The following ADGRL3 variants were observed in gnomAD, a reference collection of about 807,000 sequenced individuals.
The protein encoded by ADGRL3 is calcium-independent alpha-latrotoxin receptor 3.
Under a neutral mutation model 153.5 loss-of-function variants are expected in ADGRL3, and 62 were observed. The observed-to-expected ratio is 0.40, with a 90% CI of 0.33 to 0.50. The LOEUF (loss-of-function observed/expected upper bound fraction) is 0.50. Ranked by LOEUF, ADGRL3 falls within the 20% of genes least tolerant of loss-of-function variation. The probability of loss-of-function intolerance (pLI) is 0.47; values close to 1 mark genes in which losing one functional copy is unlikely to be tolerated. For missense variants in ADGRL3, 1,641 were observed against 1,859.4 expected (o/e 0.88, Z 2.16); for synonymous variants, 710 against 672.5 (o/e 1.06, Z -0.86).
At chr4:61,204,486 C>T (rs1736224425) in intron 1 of ADGRL3, among the ~76,000 whole-genome samples, 1 of 152,158 alleles carries the variant, frequency 6.6e-6, no homozygotes. Flanking sequence ...CAGATCTGTT[C>T]TTTGTTTCCT....
At chr4:61,280,106 TCTTTTTC>T (rs1024944024) in intron 1 of ADGRL3, among the ~76,000 whole-genome samples, 13 of 104,018 alleles carry the variant, frequency 1.2e-4, no homozygotes, top group African/African-American at 3.5e-4. Context: ...TCTTTTCTTT[TCTTTTTC>T]TTTTTTTTTT....
At chr4:61,603,922 G>GA (rs1316773177) in intron 5 of ADGRL3, among the ~76,000 whole-genome samples, 2 of 152,050 alleles carry the variant, frequency 1.3e-5, no homozygotes. Flanking sequence ...AATTCTGAAA[G>GA]AAAAAAATCA....
intron 1 of ADGRL3, among the ~76,000 whole-genome samples, chr4:61,255,844 A>G (rs574388120): frequency 4.6e-5 from 7 of 152,144 alleles, no homozygotes; most frequent in Non-Finnish European, 1.0e-4. Context: ...ATACAAATCA[A>G]TCCCTAGTAA....
chr4:61,747,792 T>C (rs1252570265), intron 8 of ADGRL3, among the ~76,000 whole-genome samples: 10 of 150,990 alleles, frequency 6.6e-5, no homozygotes, highest in South Asian at 2.1e-4. Context: ...CTTTGAAAAC[T>C]GGCACAAGAC....
Position 61,448,719 on chromosome 4 carries a change from G to T in ADGRL3, c.-173-48402G>T, listed in dbSNP as rs74692634. 6.2e-3 allele frequency among the ~76,000 whole-genome samples: 125 copies of T among 20,240 alleles called. 1 individual carries two copies. The highest frequency in any genetic ancestry group is 0.023 in the Non-Finnish European group (102 of 4,468). 13.3% of individuals were successfully genotyped at this position (20,240 alleles called of 152,430 possible). ...AGGAACGAAGGAAAGAAAGAAGGAA[G>T]GAAGGAGAGAGGGAAGGAAGGAAGG... is the stretch of plus-strand genomic sequence containing the variant. On this transcript the variant is annotated intron_variant, in intron 2 of 26. Transcript: ENST00000683033.
chr4:61,960,388 G>A (rs2098983194), intron 17 of ADGRL3, among the ~76,000 whole-genome samples: 2 of 152,116 alleles, frequency 1.3e-5, no homozygotes, highest in Admixed American at 1.3e-4. Flanking sequence ...GAGCTGCAAG[G>A]AGAACAGTGT....
chr4:61,639,477 A>G (rs2093571883), intron 5 of ADGRL3, among the ~76,000 whole-genome samples: 1 of 152,196 alleles, frequency 6.6e-6, no homozygotes, highest in Non-Finnish European at 1.5e-5. Flanking sequence ...CAAAACCTAT[A>G]CTATATACTT....
chr4:61,696,551 T>A (rs1404182847), intron 6 of ADGRL3, among the ~76,000 whole-genome samples: 1 of 152,074 alleles, frequency 6.6e-6, no homozygotes, highest in African/African-American at 2.4e-5. Flanking sequence ...GATATGATAT[T>A]TCAAAATTCT....
intron 2 of ADGRL3, among the ~76,000 whole-genome samples, chr4:61,464,897 C>A (rs540330653): frequency 1.4e-3 from 217 of 152,264 alleles, no homozygotes; most frequent in African/African-American, 4.8e-3. Context: ...GGCAATTCAA[C>A]AGGCACATTA....
intron 6 of ADGRL3, among the ~76,000 whole-genome samples, chr4:61,680,134 G>A (rs1239071363): frequency 1.3e-5 from 2 of 151,848 alleles, no homozygotes; most frequent in Admixed American, 6.6e-5. Flanking sequence ...AAATCCTTGT[G>A]CTTAATTATA....
chr4:61,828,128 G>A (rs538928558), intron 9 of ADGRL3, among the ~76,000 whole-genome samples: 1 of 152,152 alleles, frequency 6.6e-6, no homozygotes, highest in Non-Finnish European at 1.5e-5. Context: ...TGAAGCCAGG[G>A]CTATAGAGTG....
rs141194420 is a variant in ADGRL3, at chr4:61,489,632, C to T, written c.-173-7489C>T. ...GTGTTATGCAAATCTGGAACTCTGA[C>T]AAAAATATTATACTAAAAAATGCAA... On this transcript the variant is annotated intron_variant, in intron 2 of 26. Coordinates refer to ENST00000683033, the MANE Select transcript of ADGRL3 (RefSeq NM_001387552.1). Among the ~76,000 whole-genome samples the T allele has an allele frequency of 3.5e-3, 530 of 151,974 alleles. 1 individual carries two copies. The highest frequency in any genetic ancestry group is 5.9e-3 in the Non-Finnish European group (400 of 67,904).
intron 2 of ADGRL3, among the ~76,000 whole-genome samples, chr4:61,407,306 G>A (rs2097014757): frequency 6.6e-6 from 1 of 152,048 alleles, no homozygotes; most frequent in South Asian, 2.1e-4. Flanking sequence ...TGTTATTACA[G>A]AAGTAGATAG....
intron 24 of ADGRL3, among the ~76,000 whole-genome samples, chr4:62,039,395 T>C (rs964277820): frequency 2.0e-5 from 3 of 152,202 alleles, no homozygotes; most frequent in Non-Finnish European, 4.4e-5. Context: ...ACCATGTCTT[T>C]AATATCAATC....
At chr4:62,031,687 A>C in intron 23 of ADGRL3, 77 bp downstream of exon 23, 1 of 965,864 alleles carries the variant, frequency 1.0e-6, no homozygotes, top group Non-Finnish European at 1.5e-6. Flanking sequence ...ATATTCTAAT[A>C]TATTATTCTT....
At chr4:61,777,366 G>A (rs1217685291) in intron 8 of ADGRL3, among the ~76,000 whole-genome samples, 1 of 151,942 alleles carries the variant, frequency 6.6e-6, no homozygotes, top group Admixed American at 6.6e-5. Context: ...CTAAAAAAAG[G>A]TTTTTTAATT....
intron 1 of ADGRL3, among the ~76,000 whole-genome samples, chr4:61,294,414 C>T (rs1368422291): frequency 6.6e-6 from 1 of 152,126 alleles, no homozygotes; most frequent in Non-Finnish European, 1.5e-5. Context: ...GTAGGCTAGG[C>T]TAAGCTATGG....
At chr4:61,499,323 A>G (rs2098357490) in intron 3 of ADGRL3, among the ~76,000 whole-genome samples, 1 of 152,206 alleles carries the variant, frequency 6.6e-6, no homozygotes, top group Non-Finnish European at 1.5e-5. Context: ...ATCTTGTTTT[A>G]AGCAAATTTG....
In ADGRL3 at chr4:61,946,941, A is replaced by G. The variant is rs374638429; in HGVS notation, c.2447A>G (p.Tyr816Cys). 9.3e-6 allele frequency: 15 copies of G among 1,613,868 alleles called. No individual in the cohort carries two copies. The South Asian group carries it at 1.2e-4, about 13-fold the overall frequency. ...GAGATCAGAGTGGCCTTTGTCCTGT[A>G]TAACAACTTGGGTCCTTATTTATCC... is the stretch of plus-strand genomic sequence containing the variant. Reference protein sequence around the residue: ...NGEIRVAFVLYNNLGPYLSTE... With the variant: ...NGEIRVAFVLCNNLGPYLSTE... The change falls in exon 16 of 27, where the codon TAT becomes TGT. Residue 816 changes from tyrosine (Y) to cysteine (C), a missense_variant. By Grantham distance (194) the Tyr-to-Cys change is radical (BLOSUM62 -2). Coordinates refer to ENST00000683033, the MANE Select transcript of ADGRL3 (RefSeq NM_001387552.1).
Sources: allele counts gnomAD v4.1 joint callset (sites outside exome capture counted in the v4.1 genomes callset), GRCh38; gene constraint gnomAD v4.1.1; transcripts MANE v1.5; gene names NCBI Gene and HGNC (gene_info 2026-07-23, HGNC 2026-07-21).